Variants in UPF1 observed in about 807,000 individuals in gnomAD.
UPF1 encodes regulator of nonsense transcripts 1.
In UPF1, 9 loss-of-function variants were observed where a neutral mutation model predicts 129.2. The ratio of observed to expected loss-of-function variants is 0.07; its 90% CI spans 0.04 to 0.12. The LOEUF is 0.12. Ranked by LOEUF, UPF1 falls within the 10% of genes least tolerant of loss-of-function variation. The probability of loss-of-function intolerance (pLI) is 1.00; values close to 1 mark genes in which losing one functional copy is unlikely to be tolerated. For missense variants in UPF1, 788 were observed against 1,525.3 expected (o/e 0.52, Z 8.05); for synonymous variants, 649 against 644.9 (o/e 1.01, Z -0.10).
intron 10 of UPF1, 22 bp downstream of exon 10, chr19:18,855,060 C>T (rs1216426141): frequency 3.1e-6 from 5 of 1,613,026 alleles, no homozygotes; most frequent in Admixed American, 1.7e-5. Flanking sequence ...CCTCAGCGCG[C>T]GGGGCCTCGC....
Position 18,856,222 on chromosome 19 carries a change from C to G in UPF1, c.1746C>G (p.Asp582Glu). 6.2e-7 allele frequency: 1 copy of G among 1,610,814 alleles called. No homozygotes were observed. Among genetic ancestry groups the G allele is most frequent in the Non-Finnish European group, 8.5e-7 (1 of 1,177,470 alleles). Residue 582 changes from aspartate (D) to glutamate (E), a missense_variant, in exon 13 of 24, where the codon GAC becomes GAG. By Grantham distance (45) the Asp-to-Glu change is conservative. Around this residue, in one of 6 missense-constraint regions of UPF1, gnomAD observed 91 missense variants for 157.2 expected, o/e 0.58. Coordinates refer to ENST00000262803, the MANE Select transcript of UPF1 (RefSeq NM_002911.4). Reference sequence around the variant, plus strand: ...TGCAGAAGCTGCAGCAGCTGAAAGACGAGACTGGGGAGCTGTCGTCTGCCG... The same window carrying G: ...TGCAGAAGCTGCAGCAGCTGAAAGAGGAGACTGGGGAGCTGTCGTCTGCCG... The part of the protein sequence containing the change: ...PELQKLQQLK[D>E]ETGELSSADE...
Position 18,831,995 on chromosome 19 carries a change from G to T in UPF1, c.-215G>T, listed in dbSNP as rs2055429547. Reference sequence around the variant, plus strand: ...TAGGCTGCGAGCGGCTGGCGGCTTCGAGGGGAGCTGAGGCGCGGAGGGGCT... The same window carrying T: ...TAGGCTGCGAGCGGCTGGCGGCTTCTAGGGGAGCTGAGGCGCGGAGGGGCT... On this transcript the variant is annotated 5_prime_UTR_variant, in exon 1 of 24. Transcript: ENST00000262803. 3.2e-6 allele frequency: 1 copy of T among 313,318 alleles called. No homozygotes were observed. Among genetic ancestry groups the T allele is most frequent in the Non-Finnish European group, 5.7e-6 (1 of 174,954 alleles). The allele number at this position is 313,318 out of a possible 1,614,324, so 19.4% of individuals were successfully genotyped here. A position where few individuals can be genotyped will look rare whatever the true frequency, so the allele number is the denominator to read the frequency against.
chr19:18,832,117 G>C lies in UPF1; in HGVS notation c.-93G>C. ...TTTCCGGGCGCGCGGGGGCGACAGC[G>C]GCAGCGACCCGAGGCCTGCGGCCTA... On this transcript the variant is annotated 5_prime_UTR_variant, in exon 1 of 24. Coordinates refer to ENST00000262803, the MANE Select transcript of UPF1 (RefSeq NM_002911.4). The surrounding 1 kb of genome is among the most constrained non-coding windows in gnomAD (Gnocchi z 5.6). 8.3e-7 allele frequency: 1 copy of C among 1,204,184 alleles called. No homozygotes were observed. The highest frequency in any genetic ancestry group is 1.1e-6 in the Non-Finnish European group (1 of 927,544). 74.6% of individuals were successfully genotyped at this position (1,204,184 alleles called of 1,614,324 possible).
At chr19:18,852,392 G>A in intron 6 of UPF1, 96 bp downstream of exon 6, 2 of 1,542,930 alleles carry the variant, frequency 1.3e-6, no homozygotes, top group South Asian at 1.2e-5. Flanking sequence ...CAGGCTGTGG[G>A]AGCTGATGTG....
intron 19 of UPF1, 33 bp downstream of exon 19, chr19:18,863,645 G>C (rs376015041): frequency 3.2e-6 from 5 of 1,580,810 alleles, no homozygotes; most frequent in African/African-American, 1.3e-5. Context: ...AGGGCAGCAC[G>C]GAGAAACCCG....
intron 18 of UPF1, 33 bp from the exon 19 acceptor site, chr19:18,863,405 A>C (rs1568283413): frequency 1.2e-6 from 2 of 1,600,838 alleles, no homozygotes; most frequent in Non-Finnish European, 1.7e-6. Context: ...GCAGCTCTCC[A>C]CCTGCGTCCT....
At chr19:18,855,723 C>T in intron 11 of UPF1, 1 of 693,282 alleles carries the variant, frequency 1.4e-6, no homozygotes, top group Non-Finnish European at 2.3e-6. Flanking sequence ...TGGCGTGCAC[C>T]TGTGGTCCCA....
In UPF1 at chr19:18,860,128, C is replaced by G; in HGVS notation, c.2183-193C>G. 3 of 607,920 alleles carry G rather than the reference C, an allele frequency of 4.9e-6. No homozygotes were observed. The South Asian group carries it at 6.1e-5, about 12-fold the overall frequency. 37.7% of individuals were successfully genotyped at this position (607,920 alleles called of 1,614,324 possible). ...GCCATGGTGCTCTCGGTGGCCTCTC[C>G]TCAGCCTTGCCCAATCCTGGGCATC... On this transcript the variant is annotated intron_variant, in intron 15 of 23. Transcript: ENST00000262803.
At chr19:18,861,304 C>T (rs2055776520) in intron 17 of UPF1, among the ~76,000 whole-genome samples, 1 of 152,250 alleles carries the variant, frequency 6.6e-6, no homozygotes, top group South Asian at 2.1e-4. Context: ...GCCTGCCACA[C>T]ACTGGATGTT....
chr19:18,852,862 C>CA (rs1459508682), intron 6 of UPF1, 125 bp from the exon 7 acceptor site: 3 of 761,152 alleles, frequency 3.9e-6, no homozygotes, highest in Non-Finnish European at 4.4e-6. Flanking sequence ...AGGTGCCACT[C>CA]ACGGCGCCTG....
Position 18,860,303 on chromosome 19 carries a change from CT to C in UPF1, c.2183-15del. On this transcript the variant is annotated splice_polypyrimidine_tract_variant and intron_variant, in intron 15 of 23. Transcript: ENST00000262803. ...GGCTAGGGCTTTTGAAGTGTTACTT[CT>C]TTCCCTCCCCTCACAGCGGATCGTG... 1 of 1,613,076 alleles carries C rather than the reference CT, an allele frequency of 6.2e-7. No homozygotes were observed. The highest frequency in any genetic ancestry group is 8.5e-7 in the Non-Finnish European group (1 of 1,179,206).
At chr19:18,864,342 C>T (rs2055815608) in intron 20 of UPF1, 91 bp downstream of exon 20, 1 of 1,226,482 alleles carries the variant, frequency 8.2e-7, no homozygotes, top group Non-Finnish European at 1.2e-6. Context: ...GTGCCCCCAT[C>T]TTTCCTTCCC....
chr19:18,833,897 C>T (rs973965999), intron 1 of UPF1, among the ~76,000 whole-genome samples: 1 of 152,010 alleles, frequency 6.6e-6, no homozygotes, highest in Admixed American at 6.5e-5. Flanking sequence ...CTAATGGAAG[C>T]AAAAAACATT....
At chr19:18,857,659 C>A (rs2055733093) in intron 15 of UPF1, 126 bp downstream of exon 15, 2 of 1,135,556 alleles carry the variant, frequency 1.8e-6, no homozygotes, top group Non-Finnish European at 2.5e-6. Context: ...TGCTTGAGGT[C>A]AGGGCACTTT....
intron 6 of UPF1, among the ~76,000 whole-genome samples, chr19:18,852,685 C>T (rs1490247165): frequency 4.1e-5 from 5 of 121,216 alleles, no homozygotes; most frequent in Non-Finnish European, 6.7e-5. Flanking sequence ...CTCTTTCTGT[C>T]CCTCCCTCCC....
rs200572658 is a variant in UPF1, at chr19:18,856,309, C to T, written c.1824+9C>T. On this transcript the variant is annotated intron_variant, in intron 13 of 23. Transcript: ENST00000262803. ...AGAGAGAGCTGCTGATGGTGAGTGC[C>T]CCTCCTGCCTGCAAAAGGGCCTGTG... 5.0e-6 allele frequency: 8 copies of T among 1,585,446 alleles called. No individual in the cohort carries two copies. The highest frequency in any genetic ancestry group is 4.3e-6 in the Non-Finnish European group (5 of 1,157,798).
At chr19:18,839,400 A>C (rs573009377) in intron 1 of UPF1, among the ~76,000 whole-genome samples, 4 of 152,174 alleles carry the variant, frequency 2.6e-5, no homozygotes, top group African/African-American at 4.8e-5. Context: ...GGCCCCTTTA[A>C]GTATAGAACT....
intron 15 of UPF1, among the ~76,000 whole-genome samples, chr19:18,857,785 T>A (rs2055734707): frequency 6.6e-6 from 1 of 152,228 alleles, no homozygotes; most frequent in Admixed American, 6.5e-5. Flanking sequence ...AAGCCTCATG[T>A]GGCAGCATGC....
At chr19:18,854,472 T>G (rs1366366878) in intron 8 of UPF1, 129 bp from the exon 9 acceptor site, 2 of 705,878 alleles carry the variant, frequency 2.8e-6, no homozygotes, top group Non-Finnish European at 4.9e-6. Context: ...TTTTTAGCGT[T>G]TGGTGCAGAG....
Sources: allele counts gnomAD v4.1 joint callset (sites outside exome capture counted in the v4.1 genomes callset), GRCh38; gene constraint gnomAD v4.1.1; regional missense constraint gnomAD v4.1.1; non-coding constraint Gnocchi (gnomAD v3.1); transcripts MANE v1.5; gene names NCBI Gene and HGNC (gene_info 2026-07-23, HGNC 2026-07-21).